The following A2M variants were observed in gnomAD, a reference collection of about 807,000 sequenced individuals.
A2M encodes alpha-2-macroglobulin, also known as C3 and PZP-like alpha-2-macroglobulin domain-containing protein 5.
In A2M, 128 loss-of-function variants were observed where a neutral mutation model predicts 183.9. The ratio of observed to expected loss-of-function variants is 0.70; its 90% CI spans 0.60 to 0.81. The LOEUF (loss-of-function observed/expected upper bound fraction) is 0.81, where lower values mean the gene tolerates loss of function less well. A2M is among the 30% of genes least tolerant of loss of function. A2M has a pLI of 0.00. For synonymous variants in A2M, 592 were observed against 670.8 expected (o/e 0.88, Z 1.81); for missense variants, 1,495 against 1,787.6 (o/e 0.84, Z 2.95).
chr12:9,079,855 A>T (rs1948857312), intron 23 of A2M, 40 bp from the exon 24 acceptor site: 2 of 1,481,770 alleles, frequency 1.3e-6, no homozygotes, highest in Non-Finnish European at 9.0e-7. Flanking sequence ...AAGCTTGGAG[A>T]TTATCATCTA....
Position 9,072,721 on chromosome 12 carries a change from C to CCTG in A2M, c.3904_3906dup (p.Gln1302dup). ...TCCCCAGGCAGCTCTGGCAATGAGA[C>CCTG]CTGCTGCAGTAACAGGCGGTTGTTG... On this transcript the variant is annotated inframe_insertion, in exon 30 of 36. Transcript: ENST00000318602. The CCTG allele has an allele frequency of 6.2e-7, 1 of 1,614,152 alleles. No individual in the cohort carries two copies. The highest frequency in any genetic ancestry group is 8.5e-7 in the Non-Finnish European group (1 of 1,180,032).
At position 9,095,622 on chromosome 12, in the gene A2M, T is replaced by C. The variant is rs1221967805; in HGVS notation, c.1930A>G (p.Asn644Asp). 6.2e-7 allele frequency: 1 copy of C among 1,610,112 alleles called. No individual in the cohort carries two copies. The highest frequency in any genetic ancestry group is 2.2e-5 in the East Asian group (1 of 44,866). Residue 644 changes from asparagine (N) to aspartate (D), a missense_variant, in exon 16 of 36, where the codon AAT (asparagine) becomes GAT (aspartate). Coordinates refer to ENST00000318602, the MANE Select transcript of A2M (RefSeq NM_000014.6). Reference sequence around the variant, plus strand: ...CCATTAATATAGACATTATGACGATTGATGCAGTCTTCATTGTCCTGGTCA... The same window carrying C: ...CCATTAATATAGACATTATGACGATCGATGCAGTCTTCATTGTCCTGGTCA... ...LNDQDNEDCI[N>D]RHNVYINGIT...
intron 22 of A2M, among the ~76,000 whole-genome samples, chr12:9,085,736 A>C (rs1447532436): frequency 6.6e-6 from 1 of 152,098 alleles, no homozygotes; most frequent in Non-Finnish European, 1.5e-5. Flanking sequence ...TTAAAAAGAC[A>C]GACAAAAACT....
chr12:9,102,631 G>A (rs1020855481), intron 11 of A2M, among the ~76,000 whole-genome samples: 1 of 152,130 alleles, frequency 6.6e-6, no homozygotes, highest in Non-Finnish European at 1.5e-5. Context: ...CTCCTTTCAG[G>A]CTTCCTCTAC....
chr12:9,111,660 A>C (rs1036757831), intron 4 of A2M: 24 of 396,246 alleles, frequency 6.1e-5, no homozygotes, highest in Non-Finnish European at 1.5e-5. Flanking sequence ...AATGTGAAGA[A>C]GTTAATTTGG....
At chr12:9,111,164 C>CA (rs1938696408) in intron 4 of A2M, among the ~76,000 whole-genome samples, 1 of 152,050 alleles carries the variant, frequency 6.6e-6, no homozygotes, top group Admixed American at 6.6e-5. Flanking sequence ...AATGTTTATT[C>CA]ATTTTTAAAA....
At chr12:9,088,923 T>C (rs1386738507) in intron 22 of A2M, among the ~76,000 whole-genome samples, 1 of 152,214 alleles carries the variant, frequency 6.6e-6, no homozygotes, top group East Asian at 1.9e-4. Flanking sequence ...ATTTTGATTC[T>C]ACCCACTTTC....
At position 9,098,735 on chromosome 12, in the gene A2M, A is replaced by G; in HGVS notation, c.1723T>C (p.Ser575Pro). The G allele has an allele frequency of 6.2e-7, 1 of 1,613,018 alleles. No individual in the cohort carries two copies. Among genetic ancestry groups the G allele is most frequent in the Non-Finnish European group, 8.5e-7 (1 of 1,179,740 alleles). Residue 575 changes from serine to proline, a missense_variant, in exon 15 of 36, where the codon TCA (serine) becomes CCA (proline). Ser to Pro is a moderately conservative substitution (Grantham distance 74). Transcript: ENST00000318602. ...GCGTGTGAGGCTGGGAGACTTTGTG[A>G]TGGGCTGAAGCTCAAATCCACCTGT... Reference protein sequence around the residue: ...ANKVDLSFSPSQSLPASHAHL... With the variant: ...ANKVDLSFSPPQSLPASHAHL...
intron 22 of A2M, among the ~76,000 whole-genome samples, chr12:9,084,926 G>C (rs1253881374): frequency 1.3e-5 from 2 of 152,008 alleles, no homozygotes; most frequent in African/African-American, 4.8e-5. Context: ...ACTGTACAAA[G>C]AGACAAAGGA....
intron 28 of A2M, among the ~76,000 whole-genome samples, chr12:9,076,454 T>C (rs943514935): frequency 1.3e-5 from 2 of 152,212 alleles, no homozygotes; most frequent in African/African-American, 4.8e-5. Flanking sequence ...CTTACCAGCA[T>C]ACTATAGAGA....
chr12:9,089,746 C>T (rs1949151721), intron 21 of A2M, among the ~76,000 whole-genome samples, 156 bp downstream of exon 21: 1 of 151,664 alleles, frequency 6.6e-6, no homozygotes, highest in Admixed American at 6.6e-5. Flanking sequence ...GCCTCAAAAA[C>T]AAAAACAAAA....
intron 18 of A2M, 102 bp from the exon 19 acceptor site, chr12:9,091,531 A>G: frequency 2.5e-6 from 3 of 1,198,082 alleles, no homozygotes; most frequent in South Asian, 1.5e-5. Flanking sequence ...ACTTAAAAAC[A>G]CTCAATAGAA....
At chr12:9,084,661 C>T (rs1949002903) in intron 22 of A2M, among the ~76,000 whole-genome samples, 1 of 152,020 alleles carries the variant, frequency 6.6e-6, no homozygotes, top group Admixed American at 6.6e-5. Flanking sequence ...AATGGTAGTA[C>T]CAAGTCATTT....
In A2M at chr12:9,080,139, G is replaced by C; in HGVS notation, c.2809C>G (p.Pro937Ala). 1 of 1,589,418 alleles carries C rather than the reference G, an allele frequency of 6.3e-7. No homozygotes were observed. The highest frequency in any genetic ancestry group is 1.3e-5 in the African/African-American group (1 of 74,432). ...CGGGCAGATTCTTCTACCACATTTG[G>C]TGGCAGTTTCAGGGATAATTCTTCA... ...VSEELSLKLPPNVVEESARAS... is the reference protein window; with the variant it reads ...VSEELSLKLPANVVEESARAS... The change falls in exon 23 of 36, where the codon CCA (proline) becomes GCA (alanine). Residue 937 changes from proline to alanine, a missense_variant. By Grantham distance (27) the Pro-to-Ala change is conservative. Transcript: ENST00000318602.
intron 4 of A2M, 89 bp downstream of exon 4, chr12:9,112,070 T>G (rs996888643): frequency 1.6e-6 from 2 of 1,230,688 alleles, no homozygotes; most frequent in African/African-American, 3.0e-5. Flanking sequence ...ACCAGATTCT[T>G]CCTCTCCCTG....
At chr12:9,106,025 A>G (rs1938255933) in intron 10 of A2M, among the ~76,000 whole-genome samples, 1 of 152,232 alleles carries the variant, frequency 6.6e-6, no homozygotes, top group African/African-American at 2.4e-5. Flanking sequence ...GGATAATTAC[A>G]TACATTTCAT....
intron 23 of A2M, 132 bp from the exon 24 acceptor site, chr12:9,079,947 T>C: frequency 9.6e-7 from 1 of 1,043,892 alleles, no homozygotes; most frequent in South Asian, 2.2e-5. Context: ...GGGATAGAAG[T>C]ATGATTGAAA....
At position 9,099,438 on chromosome 12, in the gene A2M, G is replaced by T; in HGVS notation, c.1644C>A (p.Thr548=). 1 of 1,597,934 alleles carries T rather than the reference G, an allele frequency of 6.3e-7. No homozygotes were observed. Among genetic ancestry groups the T allele is most frequent in the Non-Finnish European group, 8.5e-7 (1 of 1,171,958 alleles). The stretch of plus-strand genomic sequence containing the variant: ...TTGCAGAATCCCCAATCACGTCCCC[G>T]GTAGGTAAAACAGCATAGATGAGCA... ...ARLLIYAVLP[T]GDVIGDSAKY... The change falls in exon 14 of 36, where the codon ACC becomes ACA. Residue 548 remains threonine (T), a synonymous_variant. Coordinates refer to ENST00000318602, the MANE Select transcript of A2M (RefSeq NM_000014.6).
intron 31 of A2M, among the ~76,000 whole-genome samples, chr12:9,071,816 G>GT (rs1049889392): frequency 1.3e-5 from 2 of 152,174 alleles, no homozygotes; most frequent in African/African-American, 2.4e-5. Flanking sequence ...CATGTATTTT[G>GT]TCCTAACTTT....
Sources: allele counts gnomAD v4.1 joint callset (sites outside exome capture counted in the v4.1 genomes callset), GRCh38; gene constraint gnomAD v4.1.1; transcripts MANE v1.5; gene names NCBI Gene and HGNC (gene_info 2026-07-23, HGNC 2026-07-21).